Variants in SNX31 observed in about 807,000 individuals in gnomAD.
The protein encoded by SNX31 is sorting nexin 31, also known as sorting nexin-31.
In SNX31, 58 loss-of-function variants were observed where a neutral mutation model predicts 65.4. The ratio of observed to expected loss-of-function variants is 0.89; its 90% CI spans 0.72 to 1.10. The LOEUF is 1.10. Among genes scored for constraint, SNX31 ranks in the 50% least tolerant of loss-of-function variants. The probability of loss-of-function intolerance (pLI) is 0.00; values close to 1 mark genes in which losing one functional copy is unlikely to be tolerated. For synonymous variants in SNX31, 181 were observed against 190.1 expected (o/e 0.95, Z 0.39); for missense variants, 523 against 529.7 (o/e 0.99, Z 0.12).
In SNX31 at chr8:100,630,487, A is replaced by G. The variant is rs1387112674; in HGVS notation, c.257-96T>C. ...TCCAGAGATCCCTCCATGCCTTGCC[A>G]GTGCTCTGTCTCCTCCCTGAAGTGA... On this transcript the variant is annotated intron_variant, in intron 3 of 13. Transcript: ENST00000311812. This position sits in a 1 kb window ranked among gnomAD's most constrained non-coding sequence, Gnocchi z 5.3. The G allele has an allele frequency of 1.6e-5, 16 of 991,510 alleles. No homozygotes were observed. The highest frequency in any genetic ancestry group is 2.4e-5 in the Non-Finnish European group (16 of 668,160). The allele number at this position is 991,510 out of a possible 1,614,324, so 61.4% of individuals were successfully genotyped here.
At position 100,606,935 on chromosome 8, in the gene SNX31, C is replaced by T. The variant is rs527466790; in HGVS notation, c.681+1559G>A. 3.3e-5 allele frequency among the ~76,000 whole-genome samples: 5 copies of T among 152,298 alleles called. No individual in the cohort carries two copies. The East Asian group carries it at 7.7e-4, about 23-fold the overall frequency. Reference sequence around the variant, plus strand: ...CCACCAAAGGGCTTAATGCTGACATCGTGCCCGGAACAATTCCAGTTTCTG... The same window carrying T: ...CCACCAAAGGGCTTAATGCTGACATTGTGCCCGGAACAATTCCAGTTTCTG... On this transcript the variant is annotated intron_variant, in intron 8 of 13. Transcript: ENST00000311812.
chr8:100,630,918 G>T lies in SNX31; in HGVS notation c.257-527C>A, dbSNP rs546854881. Among the ~76,000 whole-genome samples the T allele has an allele frequency of 6.6e-6, 1 of 152,236 alleles. No individual in the cohort carries two copies. Among genetic ancestry groups the T allele is most frequent in the Non-Finnish European group, 1.5e-5 (1 of 68,016 alleles). On this transcript the variant is annotated intron_variant, in intron 3 of 13. Transcript: ENST00000311812. The surrounding 1 kb of genome is among the most constrained non-coding windows in gnomAD (Gnocchi z 5.3). The stretch of plus-strand genomic sequence containing the variant: ...TTCTCTTGCCTCAGCCTCTGAAGTA[G>T]CTGGGATTACAGGCACTCACCACCA...
chr8:100,597,428 G>C (rs1405532415), intron 9 of SNX31, among the ~76,000 whole-genome samples: 2 of 152,122 alleles, frequency 1.3e-5, no homozygotes, highest in Admixed American at 1.3e-4. Flanking sequence ...TTTTAGTGGA[G>C]ACAGGGTTTC....
intron 8 of SNX31, among the ~76,000 whole-genome samples, chr8:100,600,713 A>G (rs991155513): frequency 5.3e-5 from 8 of 152,246 alleles, no homozygotes; most frequent in African/African-American, 1.9e-4. Flanking sequence ...ATTTAAATGT[A>G]TAAGACCATA....
At chr8:100,645,699 C>T (rs1819582940) in intron 2 of SNX31, among the ~76,000 whole-genome samples, 1 of 150,274 alleles carries the variant, frequency 6.7e-6, no homozygotes. Flanking sequence ...GCAACCTCCA[C>T]CTCCCAGGCT....
At chr8:100,628,678 CAT>C (rs1818214879) in intron 4 of SNX31, among the ~76,000 whole-genome samples, 1 of 152,062 alleles carries the variant, frequency 6.6e-6, no homozygotes, top group Non-Finnish European at 1.5e-5. Context: ...CAACATGGCA[CAT>C]GTCTACATAT....
At chr8:100,627,699 C>T (rs552125007) in intron 4 of SNX31, among the ~76,000 whole-genome samples, 4 of 152,154 alleles carry the variant, frequency 2.6e-5, no homozygotes, top group African/African-American at 7.2e-5. Context: ...CCACCACGAC[C>T]GGCTAAATTT....
chr8:100,650,700 C>T (rs1247125748), upstream of SNX31, among the ~76,000 whole-genome samples: 2 of 151,972 alleles, frequency 1.3e-5, no homozygotes, highest in African/African-American at 4.8e-5. Context: ...CAGTTCTGGT[C>T]TTATAGAAAA....
intron 11 of SNX31, among the ~76,000 whole-genome samples, chr8:100,587,542 TG>T: frequency 6.6e-6 from 1 of 152,342 alleles, no homozygotes; most frequent in East Asian, 1.9e-4. Flanking sequence ...TGTTTTCTAC[TG>T]TTGATTATGT....
intron 2 of SNX31, among the ~76,000 whole-genome samples, chr8:100,646,517 G>T (rs1416733102): frequency 2.6e-5 from 4 of 152,158 alleles, no homozygotes; most frequent in African/African-American, 9.7e-5. Flanking sequence ...CATCAATACA[G>T]ATTCTCTCTA....
At chr8:100,623,739 T>G (rs2131134828) in intron 4 of SNX31, among the ~76,000 whole-genome samples, 1 of 152,264 alleles carries the variant, frequency 6.6e-6, no homozygotes, top group East Asian at 1.9e-4. Context: ...AGGCCCCTCC[T>G]TCACACTCCC....
chr8:100,623,451 C>G (rs1371340931), intron 4 of SNX31, among the ~76,000 whole-genome samples: 1 of 152,194 alleles, frequency 6.6e-6, no homozygotes, highest in Non-Finnish European at 1.5e-5. Context: ...AATTCTGACT[C>G]ACATTCATCT....
chr8:100,657,895 TAACAACAAC>T (rs141104557), intron 1 of SNX31: 6 of 359,788 alleles, frequency 1.7e-5, no homozygotes, highest in African/African-American at 4.3e-5. Context: ...AAACAAAAAA[TAACAACAAC>T]AACAACAACA....
chr8:100,573,761 G>C lies in SNX31; in HGVS notation c.*104C>G, dbSNP rs1369104996. The C allele has an allele frequency of 1.3e-5, 9 of 675,818 alleles. 1 individual carries two copies. The highest frequency in any genetic ancestry group is 2.2e-5 in the Non-Finnish European group (9 of 410,610). The allele number at this position is 675,818 out of a possible 1,614,324, so 41.9% of individuals were successfully genotyped here. A position where few individuals can be genotyped will look rare whatever the true frequency, so the allele number is the denominator to read the frequency against. Reference sequence around the variant, plus strand: ...TGTTAATGCCAAAAAAATGGGAAGAGGTCAAATTTCCTCCACTGATGGTAG... The same window carrying C: ...TGTTAATGCCAAAAAAATGGGAAGACGTCAAATTTCCTCCACTGATGGTAG... On this transcript the variant is annotated 3_prime_UTR_variant, in exon 14 of 14. Coordinates refer to ENST00000311812, the MANE Select transcript of SNX31 (RefSeq NM_152628.4).
intron 11 of SNX31, among the ~76,000 whole-genome samples, chr8:100,587,777 G>A (rs1814184767): frequency 1.3e-5 from 2 of 152,152 alleles, no homozygotes; most frequent in African/African-American, 4.8e-5. Flanking sequence ...AGGTGTATAT[G>A]AAACATAATT....
chr8:100,632,308 A>C lies in SNX31; in HGVS notation c.257-1917T>G, dbSNP rs1818466226. Among the ~76,000 whole-genome samples, 3 of 152,298 alleles carry C rather than the reference A, an allele frequency of 2.0e-5. No individual in the cohort carries two copies. The South Asian group carries it at 6.2e-4, about 32-fold the overall frequency. ...CATTTTGCTAAGACACGAGAAAACA[A>C]ACTAAGGGAGAGTGAAAATTCAAAA... On this transcript the variant is annotated intron_variant, in intron 3 of 13. Coordinates refer to ENST00000311812, the MANE Select transcript of SNX31 (RefSeq NM_152628.4).
At chr8:100,638,713 C>A (rs577039239) in intron 2 of SNX31, among the ~76,000 whole-genome samples, 2 of 152,160 alleles carry the variant, frequency 1.3e-5, no homozygotes, top group Non-Finnish European at 2.9e-5. Context: ...TATAATCCAG[C>A]GATAAATACC....
At chr8:100,580,288 C>T (rs765591604) in intron 12 of SNX31, among the ~76,000 whole-genome samples, 3 of 151,934 alleles carry the variant, frequency 2.0e-5, no homozygotes, top group Admixed American at 6.6e-5. Context: ...TCAGAAATTC[C>T]TTAGGAACAC....
intron 2 of SNX31, among the ~76,000 whole-genome samples, chr8:100,643,971 G>C (rs1190025880): frequency 1.3e-5 from 2 of 152,224 alleles, no homozygotes; most frequent in African/African-American, 4.8e-5. Context: ...TCCTGGAGGA[G>C]ATGGGACTGA....
Sources: gnomAD v4.1 joint callset for allele counts (sites outside exome capture counted in the v4.1 genomes callset) on GRCh38, gnomAD v4.1.1 for gene constraint, Gnocchi (gnomAD v3.1) non-coding constraint, MANE v1.5 for transcripts, NCBI Gene and HGNC (gene_info 2026-07-23, HGNC 2026-07-21) for gene names.